Variants in DPP6 observed in about 807,000 individuals in gnomAD.
DPP6 encodes the protein dipeptidyl peptidase like 6.
DPP6 carries 69 observed loss-of-function variants against 122.6 expected under a neutral mutation model. That is an observed-to-expected ratio of 0.56 (90% confidence interval 0.46 to 0.69). DPP6 has a LOEUF of 0.69. Among genes scored for constraint, DPP6 ranks in the 30% least tolerant of loss-of-function variants. DPP6 has a pLI of 0.00. For missense variants in DPP6, 928 were observed against 1,116.9 expected (o/e 0.83, Z 2.41); for synonymous variants, 418 against 433.1 (o/e 0.97, Z 0.43).
chr7:154,074,137 C>G (rs1269010107), intron 1 of DPP6, among the ~76,000 whole-genome samples: 1 of 21,882 alleles, frequency 4.6e-5, no homozygotes, highest in Non-Finnish European at 9.2e-5. Flanking sequence ...CTATATATAT[C>G]TCTCTATATA....
intron 5 of DPP6, among the ~76,000 whole-genome samples, chr7:154,614,156 T>A (rs1259556715): frequency 6.6e-6 from 1 of 152,186 alleles, no homozygotes; most frequent in Non-Finnish European, 1.5e-5. Flanking sequence ...GCAGTGTGGC[T>A]CTCCTTCCTG....
At chr7:153,942,620 G>T (rs1282694208) in intron 1 of DPP6, among the ~76,000 whole-genome samples, 1 of 152,204 alleles carries the variant, frequency 6.6e-6, no homozygotes, top group East Asian at 1.9e-4. Context: ...ATGTCAGGAG[G>T]TAGCTGTGCT....
chr7:153,828,512 G>A, the DPP6 span, among the ~76,000 whole-genome samples: 1 of 152,188 alleles, frequency 6.6e-6, no homozygotes, highest in African/African-American at 2.4e-5. Flanking sequence ...TATATGCCAT[G>A]TGTCAGAGAT....
intron 1 of DPP6, among the ~76,000 whole-genome samples, chr7:154,066,549 G>T (rs1802741303): frequency 6.6e-6 from 1 of 152,200 alleles, no homozygotes; most frequent in African/African-American, 2.4e-5. Context: ...AGTGAGTGAG[G>T]CAGCTTAAGT....
At chr7:154,358,797 C>G (rs1205211077) in intron 1 of DPP6, among the ~76,000 whole-genome samples, 1 of 152,160 alleles carries the variant, frequency 6.6e-6, no homozygotes, top group African/African-American at 2.4e-5. Context: ...CCTCTGCCTC[C>G]CAGGTTCAAG....
At chr7:153,797,923 G>C in the DPP6 span, among the ~76,000 whole-genome samples, 5 of 151,962 alleles carry the variant, frequency 3.3e-5, no homozygotes, top group African/African-American at 1.2e-4. Flanking sequence ...CTCACTATAA[G>C]CTCCGCCTTC....
chr7:153,943,467 T>A (rs993330048), intron 1 of DPP6, among the ~76,000 whole-genome samples: 1 of 152,224 alleles, frequency 6.6e-6, no homozygotes, highest in East Asian at 1.9e-4. Context: ...CCCTCTTTTT[T>A]GTCCTTCTCC....
intron 5 of DPP6, among the ~76,000 whole-genome samples, chr7:154,633,197 ATATT>A (rs1370104564): frequency 2.6e-5 from 4 of 152,184 alleles, no homozygotes; most frequent in South Asian, 2.1e-4. Context: ...ATGATCAGAA[ATATT>A]TAGTCTATTT....
At chr7:154,208,310 G>T (rs1799560663) in intron 1 of DPP6, among the ~76,000 whole-genome samples, 1 of 152,182 alleles carries the variant, frequency 6.6e-6, no homozygotes. Flanking sequence ...TAGAGACAAG[G>T]AAGCATTTCC....
the DPP6 span, among the ~76,000 whole-genome samples, chr7:153,852,146 A>G: frequency 4.6e-5 from 7 of 152,014 alleles, no homozygotes; most frequent in African/African-American, 1.7e-4. Flanking sequence ...ATTTTCTGTT[A>G]GGCTCGATGT....
chr7:154,725,284 T>C (rs932356966), intron 7 of DPP6, among the ~76,000 whole-genome samples: 3 of 152,192 alleles, frequency 2.0e-5, no homozygotes, highest in Admixed American at 6.5e-5. Flanking sequence ...CAATTTGATA[T>C]TGTATTAGTC....
At chr7:154,325,407 G>T (rs1808362477) in intron 1 of DPP6, among the ~76,000 whole-genome samples, 2 of 152,182 alleles carry the variant, frequency 1.3e-5, no homozygotes, top group Admixed American at 1.3e-4. Flanking sequence ...TTCATGGCAG[G>T]CCTTGATAAT....
intron 4 of DPP6, among the ~76,000 whole-genome samples, chr7:154,542,287 G>C (rs1828790768): frequency 6.6e-6 from 1 of 152,160 alleles, no homozygotes; most frequent in African/African-American, 2.4e-5. Context: ...TCCCCTAAGA[G>C]AATCTGATTC....
intron 1 of DPP6, among the ~76,000 whole-genome samples, chr7:154,418,169 T>C (rs1389264300): frequency 2.0e-5 from 3 of 152,184 alleles, no homozygotes; most frequent in East Asian, 1.9e-4. Context: ...CCTTCTAAAC[T>C]TCTGTGTCAA....
Position 154,889,328 on chromosome 7 carries a change from T to A in DPP6, c.2361T>A (p.Ile787=). ...SALEEQQFLI[I]HPTADEKIHF... ...TGGAAGAACAGCAGTTCCTGATCAT[T>A]CATCCCACTGCCGATGGTAAGGACT... Residue 787 remains isoleucine, a synonymous_variant, in exon 24 of 26, where the codon ATT becomes ATA. Coordinates refer to ENST00000377770, the MANE Select transcript of DPP6 (RefSeq NM_130797.4). 2 of 1,612,726 alleles carry A rather than the reference T, an allele frequency of 1.2e-6. No homozygotes were observed. The highest frequency in any genetic ancestry group is 1.7e-6 in the Non-Finnish European group (2 of 1,179,648).
chr7:154,853,634 C>G, intron 16 of DPP6, 146 bp from the exon 17 acceptor site: 1 of 1,164,842 alleles, frequency 8.6e-7, no homozygotes, highest in Non-Finnish European at 1.2e-6. Flanking sequence ...TCTGCCATCC[C>G]ATCATTGATT....
At chr7:154,566,808 T>C in intron 4 of DPP6, 34 bp from the exon 5 acceptor site, 2 of 1,245,312 alleles carry the variant, frequency 1.6e-6, no homozygotes, top group Non-Finnish European at 1.2e-6. Context: ...TTGTATGTAA[T>C]GCTTTAAAAT....
At chr7:154,830,708 G>T (rs1338090999) in intron 16 of DPP6, among the ~76,000 whole-genome samples, 3 of 152,202 alleles carry the variant, frequency 2.0e-5, no homozygotes, top group Non-Finnish European at 4.4e-5. Context: ...CAGATGGCTT[G>T]CAGGGTTGCT....
intron 7 of DPP6, among the ~76,000 whole-genome samples, chr7:154,721,518 A>G (rs1003474155): frequency 3.9e-5 from 6 of 152,160 alleles, no homozygotes; most frequent in African/African-American, 1.4e-4. Flanking sequence ...TACATCAAAG[A>G]CCTAAATATA....
Sources: allele counts gnomAD v4.1 joint callset (sites outside exome capture counted in the v4.1 genomes callset), GRCh38; gene constraint gnomAD v4.1.1; transcripts MANE v1.5; gene names NCBI Gene and HGNC (gene_info 2026-07-23, HGNC 2026-07-21).